The following PTPRR variants were observed in gnomAD, a reference collection of about 807,000 sequenced individuals.
The protein encoded by PTPRR is protein tyrosine phosphatase receptor type R.
PTPRR carries 38 observed loss-of-function variants against 77.2 expected under a neutral mutation model. The ratio of observed to expected loss-of-function variants is 0.49; its 90% CI spans 0.38 to 0.65. The LOEUF is 0.65. PTPRR is among the 30% of genes least tolerant of loss of function. The probability of loss-of-function intolerance (pLI) is 0.00; values close to 1 mark genes in which losing one functional copy is unlikely to be tolerated. For synonymous variants in PTPRR, 299 were observed against 283.1 expected (o/e 1.06, Z -0.57); for missense variants, 744 against 799.2 (o/e 0.93, Z 0.83).
Position 70,761,402 on chromosome 12 carries a change from T to G in PTPRR, c.627+69A>C, listed in dbSNP as rs188984436. The G allele has an allele frequency of 1.9e-4, 252 of 1,359,070 alleles. No individual in the cohort carries two copies. In the African/African-American group the frequency reaches 3.0e-3, roughly 16 times the overall value. 84.2% of individuals were successfully genotyped at this position (1,359,070 alleles called of 1,614,324 possible). On this transcript the variant is annotated intron_variant, in intron 4 of 13. Coordinates refer to ENST00000283228, the MANE Select transcript of PTPRR (RefSeq NM_002849.4). ...AAACAACTTCCATCTCAAAGCCTCT[T>G]GGGGTTGAATTACCATAGCATGCTA...
chr12:70,640,130 C>A (rs1473406812), intron 13 of PTPRR, among the ~76,000 whole-genome samples: 1 of 152,140 alleles, frequency 6.6e-6, no homozygotes, highest in African/African-American at 2.4e-5. Flanking sequence ...TTTTTATATA[C>A]ATAATACCTA....
At chr12:70,898,961 A>G (rs1893483330) in intron 1 of PTPRR, among the ~76,000 whole-genome samples, 1 of 151,482 alleles carries the variant, frequency 6.6e-6, no homozygotes, top group Non-Finnish European at 1.5e-5. Flanking sequence ...CTACAAATAA[A>G]TTCAACAATT....
chr12:70,804,404 T>C (rs1426178962), intron 2 of PTPRR, among the ~76,000 whole-genome samples: 3 of 151,596 alleles, frequency 2.0e-5, no homozygotes, highest in Non-Finnish European at 1.5e-5. Flanking sequence ...AAAAAATATA[T>C]AAAAATTAGG....
intron 2 of PTPRR, among the ~76,000 whole-genome samples, chr12:70,835,882 TG>T (rs1208053393): frequency 6.6e-6 from 1 of 152,116 alleles, no homozygotes; most frequent in African/African-American, 2.4e-5. Flanking sequence ...CTTATTTCAT[TG>T]AAACGGTAGC....
At position 70,684,207 on chromosome 12, in the gene PTPRR, C is replaced by T. The variant is rs756210794; in HGVS notation, c.1417G>A (p.Val473Met). 6 of 1,614,066 alleles carry T rather than the reference C, an allele frequency of 3.7e-6. No homozygotes were observed. Among genetic ancestry groups the T allele is most frequent in the South Asian group, 2.2e-5 (2 of 91,082 alleles). The part of the protein sequence containing the change: ...IATQGPMINT[V>M]DDFWQMVWQE... ...CAAACCATCTGCCAGAAATCATCCA[C>T]GGTGTTGATCATGGGGCCCTGCGTG... Residue 473 changes from valine (V) to methionine (M), a missense_variant, in exon 10 of 14, where the codon GTG (valine) becomes ATG (methionine). By Grantham distance (21) the Val-to-Met change is conservative. Transcript: ENST00000283228.
intron 10 of PTPRR, among the ~76,000 whole-genome samples, chr12:70,681,690 G>C (rs898614441): frequency 5.9e-5 from 9 of 152,098 alleles, no homozygotes; most frequent in African/African-American, 1.7e-4. Flanking sequence ...TTGTTGTTTT[G>C]GCTCTTTTTT....
intron 2 of PTPRR, among the ~76,000 whole-genome samples, chr12:70,878,148 T>C (rs1206497649): frequency 6.6e-6 from 1 of 152,134 alleles, no homozygotes; most frequent in Non-Finnish European, 1.5e-5. Context: ...ATAAAAACCC[T>C]AGACGAAAAC....
At chr12:70,850,878 C>T (rs1892561605) in intron 2 of PTPRR, among the ~76,000 whole-genome samples, 2 of 152,054 alleles carry the variant, frequency 1.3e-5, no homozygotes, top group Admixed American at 1.3e-4. Context: ...CTCAGTACAT[C>T]TTTTGTTGAA....
intron 6 of PTPRR, among the ~76,000 whole-genome samples, chr12:70,707,983 G>C (rs1477917862): frequency 6.6e-6 from 1 of 151,864 alleles, no homozygotes; most frequent in African/African-American, 2.4e-5. Context: ...TTCTCATCCG[G>C]ACCTGTGTCC....
intron 1 of PTPRR, among the ~76,000 whole-genome samples, chr12:70,900,358 C>T (rs1893510216): frequency 6.6e-6 from 1 of 151,354 alleles, no homozygotes; most frequent in Non-Finnish European, 1.5e-5. Context: ...TGGATTCATA[C>T]ATCACACCAT....
At chr12:70,673,030 G>GAA in intron 10 of PTPRR, 48 of 333,964 alleles carry the variant, frequency 1.4e-4, no homozygotes, top group East Asian at 9.4e-4. Flanking sequence ...TCGGGCCAAA[G>GAA]CAAAAAAAAA....
intron 10 of PTPRR, among the ~76,000 whole-genome samples, chr12:70,681,438 G>A (rs1345532242): frequency 6.6e-6 from 1 of 152,222 alleles, no homozygotes; most frequent in African/African-American, 2.4e-5. Flanking sequence ...GAGTGCAGAT[G>A]TCTGTGACAT....
At chr12:70,707,838 G>A (rs1355704) in intron 6 of PTPRR, among the ~76,000 whole-genome samples, 48,404 of 151,770 alleles carry the variant, frequency 0.32, 7,945 homozygotes, top group South Asian at 0.48. Flanking sequence ...TCCTAGTTCA[G>A]TAGATTTTTT....
At chr12:70,704,833 G>A (rs897679266) in intron 6 of PTPRR, among the ~76,000 whole-genome samples, 1 of 152,024 alleles carries the variant, frequency 6.6e-6, no homozygotes, top group Non-Finnish European at 1.5e-5. Context: ...AAGGAATGTG[G>A]AAAGCAAGAA....
intron 2 of PTPRR, among the ~76,000 whole-genome samples, chr12:70,780,814 G>T (rs1380371015): frequency 6.6e-6 from 1 of 152,178 alleles, no homozygotes; most frequent in African/African-American, 2.4e-5. Context: ...CCCTAGAAGA[G>T]GAAAAGTGAC....
At position 70,641,622 on chromosome 12, in the gene PTPRR, T is replaced by C. The variant is rs551216710; in HGVS notation, c.1881-2345A>G. Among the ~76,000 whole-genome samples the C allele has an allele frequency of 2.6e-5, 4 of 152,272 alleles. No homozygotes were observed. In the East Asian group the frequency reaches 7.7e-4, roughly 29 times the overall value. ...AGGCTTCAGGAAAGTATATGAAAAG[T>C]TCTCTTACCTCCCACTTAATTTGGA... On this transcript the variant is annotated intron_variant, in intron 13 of 13. Coordinates refer to ENST00000283228, the MANE Select transcript of PTPRR (RefSeq NM_002849.4).
At chr12:70,768,044 T>C (rs2136975692) in intron 2 of PTPRR, among the ~76,000 whole-genome samples, 1 of 152,058 alleles carries the variant, frequency 6.6e-6, no homozygotes, top group African/African-American at 2.4e-5. Context: ...TAGCACTAAA[T>C]GCCCACAAGA....
At chr12:70,689,261 A>G (rs1425158101) in intron 8 of PTPRR, among the ~76,000 whole-genome samples, 1 of 152,186 alleles carries the variant, frequency 6.6e-6, no homozygotes. Context: ...TCCACAATGT[A>G]TACATGTATC....
At chr12:70,920,062 G>A (rs914605162) in intron 1 of PTPRR, among the ~76,000 whole-genome samples, 7 of 152,046 alleles carry the variant, frequency 4.6e-5, no homozygotes, top group Admixed American at 6.6e-5. Context: ...CGGAGGGGAG[G>A]CGAAGGGGGG....
Sources: gnomAD v4.1 joint callset for allele counts (sites outside exome capture counted in the v4.1 genomes callset) on GRCh38, gnomAD v4.1.1 for gene constraint, MANE v1.5 for transcripts, NCBI Gene and HGNC (gene_info 2026-07-23, HGNC 2026-07-21) for gene names.